TNFSF4: variants seen among roughly 807,000 people sequenced by gnomAD.
The protein encoded by TNFSF4 is tumor necrosis factor ligand superfamily member 4.
TNFSF4 carries 4 observed loss-of-function variants against 7.3 expected under a neutral mutation model. That is an observed-to-expected ratio of 0.55 (90% confidence interval 0.27 to 1.25). The LOEUF is 1.25. Among genes scored for constraint, TNFSF4 ranks in the 50% most tolerant of loss-of-function variants. The pLI, the probability that TNFSF4 is intolerant of heterozygous loss-of-function variation, is 0.12. For synonymous variants in TNFSF4, 76 were observed against 83.7 expected (o/e 0.91, Z 0.50); for missense variants, 181 against 208.8 (o/e 0.87, Z 0.82).
the TNFSF4 span, among the ~76,000 whole-genome samples, chr1:173,256,590 G>C: frequency 6.6e-6 from 1 of 152,228 alleles, no homozygotes; most frequent in Non-Finnish European, 1.5e-5. Flanking sequence ...TGGTAGAAGA[G>C]AGACAGTCAA....
At chr1:173,348,227 G>A in the TNFSF4 span, among the ~76,000 whole-genome samples, 17 of 152,052 alleles carry the variant, frequency 1.1e-4, no homozygotes, top group Admixed American at 1.1e-3. Context: ...TGAATTATGG[G>A]GGCAGTTTCC....
the TNFSF4 span, among the ~76,000 whole-genome samples, chr1:173,244,797 T>C: frequency 1.3e-5 from 2 of 152,154 alleles, no homozygotes; most frequent in African/African-American, 4.8e-5. Flanking sequence ...CTATGTAGCT[T>C]AGCATAATCT....
At chr1:173,210,817 G>A (rs1335155404), upstream of TNFSF4, among the ~76,000 whole-genome samples, 1 of 152,134 alleles carries the variant, frequency 6.6e-6, no homozygotes, top group Non-Finnish European at 1.5e-5. Context: ...CTGAGGGAAT[G>A]AGTGAGATCT....
At chr1:173,274,667 T>C in the TNFSF4 span, among the ~76,000 whole-genome samples, 2 of 152,066 alleles carry the variant, frequency 1.3e-5, no homozygotes, top group African/African-American at 4.8e-5. Flanking sequence ...TTTCTCCAGC[T>C]GATCCCAGAA....
the TNFSF4 span, among the ~76,000 whole-genome samples, chr1:173,231,186 G>A: frequency 1.7e-4 from 26 of 152,194 alleles, no homozygotes; most frequent in African/African-American, 6.3e-4. Flanking sequence ...CATCGATGCA[G>A]AAATCCTCAG....
chr1:173,318,728 C>CAA, the TNFSF4 span, among the ~76,000 whole-genome samples: 2 of 152,068 alleles, frequency 1.3e-5, no homozygotes, highest in African/African-American at 4.8e-5. Context: ...CTATATGTAT[C>CAA]AAAAGACTTA....
chr1:173,450,676 C>A, the TNFSF4 span, among the ~76,000 whole-genome samples: 1 of 132,768 alleles, frequency 7.5e-6, no homozygotes, highest in African/African-American at 2.8e-5. Flanking sequence ...AGAATAATCA[C>A]ATGAATATCT....
At chr1:173,324,194 G>A in the TNFSF4 span, among the ~76,000 whole-genome samples, 83 of 152,058 alleles carry the variant, frequency 5.5e-4, no homozygotes, top group Middle Eastern at 3.4e-3. Context: ...CAGAAGGGGC[G>A]GGGGGGCCAA....
chr1:173,264,936 T>A, the TNFSF4 span, among the ~76,000 whole-genome samples: 1 of 152,162 alleles, frequency 6.6e-6, no homozygotes, highest in African/African-American at 2.4e-5. Flanking sequence ...CACTGCCCAC[T>A]CTACAGTAAA....
the TNFSF4 span, chr1:173,174,980 CT>C: frequency 6.6e-6 from 1 of 152,210 alleles, no homozygotes; most frequent in African/African-American, 2.4e-5. Context: ...AGACTTTCAT[CT>C]TTCTTTACTC....
chr1:173,375,763 C>T, the TNFSF4 span, among the ~76,000 whole-genome samples: 3 of 152,132 alleles, frequency 2.0e-5, no homozygotes, highest in Non-Finnish European at 4.4e-5. Flanking sequence ...GGAATAAAAG[C>T]TGGCCACCCC....
the TNFSF4 span, among the ~76,000 whole-genome samples, chr1:173,283,906 C>T: frequency 3.7e-5 from 5 of 136,134 alleles, no homozygotes; most frequent in East Asian, 2.1e-4. Flanking sequence ...TTGTGCCAAA[C>T]GGTTGGTCAA....
chr1:173,247,285 G>A, the TNFSF4 span, among the ~76,000 whole-genome samples: 1 of 152,182 alleles, frequency 6.6e-6, no homozygotes, highest in Admixed American at 6.5e-5. Flanking sequence ...TTAAAGCATA[G>A]AAGGGTGAGT....
At chr1:173,308,522 A>AT in the TNFSF4 span, among the ~76,000 whole-genome samples, 11 of 151,812 alleles carry the variant, frequency 7.2e-5, no homozygotes, top group African/African-American at 2.2e-4. Context: ...AAAAAATCCT[A>AT]TTTTTTGTTT....
At chr1:173,288,975 T>C in the TNFSF4 span, among the ~76,000 whole-genome samples, 3 of 152,188 alleles carry the variant, frequency 2.0e-5, no homozygotes, top group Non-Finnish European at 2.9e-5. Flanking sequence ...CCCCTATGCC[T>C]ACTCTTGATT....
chr1:173,322,126 T>C, the TNFSF4 span, among the ~76,000 whole-genome samples: 2 of 152,210 alleles, frequency 1.3e-5, no homozygotes, highest in Non-Finnish European at 1.5e-5. Context: ...CGTGGACTAC[T>C]ATGCAGCCAT....
At chr1:173,336,994 G>A in the TNFSF4 span, among the ~76,000 whole-genome samples, 1 of 152,138 alleles carries the variant, frequency 6.6e-6, no homozygotes, top group East Asian at 1.9e-4. Flanking sequence ...AAAGCTGCTA[G>A]TTTTGAGTGG....
the TNFSF4 span, among the ~76,000 whole-genome samples, chr1:173,447,972 G>C: frequency 0.047 from 7,092 of 152,188 alleles, 550 homozygotes; most frequent in African/African-American, 0.16. Context: ...AAGAAAAAAT[G>C]TAGTGGCTAT....
the TNFSF4 span, among the ~76,000 whole-genome samples, chr1:173,439,454 C>T: frequency 6.6e-6 from 1 of 152,210 alleles, no homozygotes; most frequent in African/African-American, 2.4e-5. Flanking sequence ...ACCACACTAG[C>T]AGCCCAGCCT....
Sources: allele counts gnomAD v4.1 joint callset (sites outside exome capture counted in the v4.1 genomes callset), GRCh38; gene constraint gnomAD v4.1.1; transcripts MANE v1.5; gene names NCBI Gene and HGNC (gene_info 2026-07-23, HGNC 2026-07-21).